Variants in ARFGEF2 observed in about 807,000 individuals in gnomAD.
The protein encoded by ARFGEF2 is ARF guanine nucleotide exchange factor 2.
In ARFGEF2, 74 loss-of-function variants were observed where a neutral mutation model predicts 219.9. The ratio of observed to expected loss-of-function variants is 0.34; its 90% CI spans 0.28 to 0.41. ARFGEF2 has a LOEUF of 0.41. Among genes scored for constraint, ARFGEF2 ranks in the 10% least tolerant of loss-of-function variants. The pLI, the probability that ARFGEF2 is intolerant of heterozygous loss-of-function variation, is 1.00. For missense variants in ARFGEF2, 1,743 were observed against 2,218.3 expected (o/e 0.79, Z 4.30); for synonymous variants, 733 against 799.2 (o/e 0.92, Z 1.40).
At chr20:48,953,032 C>T in intron 5 of ARFGEF2, 148 bp downstream of exon 5, 1 of 876,130 alleles carries the variant, frequency 1.1e-6, no homozygotes, top group Non-Finnish European at 1.8e-6. Flanking sequence ...TTTGTTCTTG[C>T]TTTAAAAATC....
chr20:48,932,592 A>G (rs2090920154), intron 1 of ARFGEF2, among the ~76,000 whole-genome samples: 1 of 152,168 alleles, frequency 6.6e-6, no homozygotes, highest in Non-Finnish European at 1.5e-5. Flanking sequence ...AGTCCAGGCT[A>G]TTGATTGCGT....
chr20:48,923,764 A>C lies in ARFGEF2; in HGVS notation c.121+1754A>C, dbSNP rs1436688524. Among the ~76,000 whole-genome samples, 3 of 152,358 alleles carry C rather than the reference A, an allele frequency of 2.0e-5. No individual in the cohort carries two copies. The East Asian group carries it at 5.8e-4, about 29-fold the overall frequency. ...TTTTTTCTTCAGAAAACTTCTTAAC[A>C]TAAAATTTTCACCAAAGTGTGCATC... On this transcript the variant is annotated intron_variant, in intron 1 of 38. Transcript: ENST00000371917.
chr20:48,974,966 T>C, intron 13 of ARFGEF2, 92 bp downstream of exon 13: 1 of 1,110,382 alleles, frequency 9.0e-7, no homozygotes, highest in East Asian at 2.6e-5. Flanking sequence ...GTCTTAGAAT[T>C]GAAAAAGCCT....
chr20:48,921,866 G>A lies in ARFGEF2; in HGVS notation c.-24G>A, dbSNP rs965177045. 5.3e-6 allele frequency: 8 copies of A among 1,511,874 alleles called. No individual in the cohort carries two copies. The African/African-American group carries it at 8.7e-5, about 16-fold the overall frequency. The allele number at this position is 1,511,874 out of a possible 1,614,324, so 93.7% of individuals were successfully genotyped here. On this transcript the variant is annotated 5_prime_UTR_variant, in exon 1 of 39. Transcript: ENST00000371917. The stretch of plus-strand genomic sequence containing the variant: ...GCTCACGCCGCCCGCCCGCGGGGCC[G>A]TCAGCCCCCGCCGGGCCGGGGCCAT...
chr20:48,959,466 T>TCCC (rs2091127830), intron 6 of ARFGEF2, among the ~76,000 whole-genome samples: 1 of 2,492 alleles, frequency 4.0e-4, no homozygotes, highest in East Asian at 0.012. Flanking sequence ...CCTCCCTCCC[T>TCCC]TCTTCTCTCC....
intron 14 of ARFGEF2, among the ~76,000 whole-genome samples, chr20:48,980,259 G>A (rs1356803722): frequency 6.7e-6 from 1 of 149,424 alleles, no homozygotes; most frequent in Admixed American, 6.7e-5. Flanking sequence ...CATTCAGGAG[G>A]AGGTTGTTCA....
At chr20:48,972,507 C>T in intron 11 of ARFGEF2, 82 bp downstream of exon 11, 2 of 1,080,728 alleles carry the variant, frequency 1.9e-6, no homozygotes, top group Admixed American at 3.5e-5. Flanking sequence ...TCTAACCCCT[C>T]CTTTTAGAGT....
intron 3 of ARFGEF2, among the ~76,000 whole-genome samples, 156 bp downstream of exon 3, chr20:48,942,143 G>C (rs978717983): frequency 6.6e-6 from 1 of 152,154 alleles, no homozygotes; most frequent in Non-Finnish European, 1.5e-5. Context: ...GATCTCATGA[G>C]GGAGGGAAAA....
At chr20:49,025,136 C>T (rs977864298) in intron 35 of ARFGEF2, among the ~76,000 whole-genome samples, 177 bp from the exon 36 acceptor site, 6 of 152,176 alleles carry the variant, frequency 3.9e-5, no homozygotes, top group African/African-American at 7.2e-5. Context: ...TCAGTGTGTT[C>T]CTTCACCAGC....
chr20:48,945,970 A>G (rs2091023853), intron 3 of ARFGEF2, among the ~76,000 whole-genome samples: 1 of 152,202 alleles, frequency 6.6e-6, no homozygotes, highest in Non-Finnish European at 1.5e-5. Flanking sequence ...AGTATACAAA[A>G]TGAGTCATCC....
chr20:48,939,040 T>C (rs6012566), intron 1 of ARFGEF2, among the ~76,000 whole-genome samples: 14,856 of 148,408 alleles, frequency 0.1, 986 homozygotes, highest in African/African-American at 0.19. Flanking sequence ...AGTGGCACCA[T>C]CTCGGCTCAC....
chr20:48,949,716 G>A (rs957541114), intron 3 of ARFGEF2, among the ~76,000 whole-genome samples: 2 of 152,018 alleles, frequency 1.3e-5, no homozygotes, highest in South Asian at 2.1e-4. Flanking sequence ...TTTGCAGAGC[G>A]GCCAGTCTTC....
intron 1 of ARFGEF2, among the ~76,000 whole-genome samples, chr20:48,933,959 A>G (rs569087646): frequency 2.0e-5 from 3 of 152,094 alleles, no homozygotes; most frequent in African/African-American, 7.2e-5. Flanking sequence ...GTCTCTACTA[A>G]AAATATAAAA....
chr20:49,028,420 GAAAA>G, intron 36 of ARFGEF2, 106 bp from the exon 37 acceptor site: 1 of 1,272,416 alleles, frequency 7.9e-7, no homozygotes, highest in South Asian at 1.2e-5. Flanking sequence ...ACTATCTCAA[GAAAA>G]AAACAGATGT....
chr20:48,994,015 C>T (rs2091372013), intron 21 of ARFGEF2, among the ~76,000 whole-genome samples: 1 of 152,084 alleles, frequency 6.6e-6, no homozygotes, highest in Non-Finnish European at 1.5e-5. Flanking sequence ...TGGGAAGGTA[C>T]GATCTCACAA....
intron 25 of ARFGEF2, chr20:48,999,233 G>A (rs1483896766): frequency 1.8e-5 from 8 of 451,752 alleles, no homozygotes; most frequent in East Asian, 7.0e-5. Context: ...GCAAGACTTC[G>A]TCTCAGAAAA....
chr20:48,929,290 A>G (rs777144714), intron 1 of ARFGEF2, among the ~76,000 whole-genome samples: 4 of 152,212 alleles, frequency 2.6e-5, no homozygotes, highest in Admixed American at 6.5e-5. Context: ...TTGTGAGGAG[A>G]ACAGCCTTCT....
chr20:48,950,813 T>A (rs13037346), intron 3 of ARFGEF2, among the ~76,000 whole-genome samples: 742 of 59,264 alleles, frequency 0.013, no homozygotes, highest in South Asian at 0.017. Flanking sequence ...AAAAAAAAAA[T>A]ATATATATAT....
At chr20:48,999,247 A>G (rs1490919343) in intron 25 of ARFGEF2, 1 of 453,838 alleles carries the variant, frequency 2.2e-6, no homozygotes, top group African/African-American at 2.0e-5. Context: ...CAGAAAAAAA[A>G]ATTAATAATT....
Sources: gnomAD v4.1 joint callset for allele counts (sites outside exome capture counted in the v4.1 genomes callset) on GRCh38, gnomAD v4.1.1 for gene constraint, MANE v1.5 for transcripts, NCBI Gene and HGNC (gene_info 2026-07-23, HGNC 2026-07-21) for gene names.